Variants in MACROD2 observed in about 807,000 individuals in gnomAD.
MACROD2 encodes the protein ADP-ribose glycohydrolase MACROD2.
In MACROD2, 36 loss-of-function variants were observed where a neutral mutation model predicts 70.4. That is an observed-to-expected ratio of 0.51 (90% CI 0.39 to 0.68). MACROD2 has a LOEUF of 0.68. Ranked by LOEUF, MACROD2 falls within the 30% of genes least tolerant of loss-of-function variation. The pLI, the probability that MACROD2 is intolerant of heterozygous loss-of-function variation, is 0.00. For missense variants in MACROD2, 496 were observed against 538.4 expected (o/e 0.92, Z 0.78); for synonymous variants, 172 against 178.8 (o/e 0.96, Z 0.30).
At chr20:14,009,906 G>C (rs1049818896) in intron 2 of MACROD2, among the ~76,000 whole-genome samples, 11 of 152,198 alleles carry the variant, frequency 7.2e-5, no homozygotes, top group African/African-American at 2.7e-4. Context: ...TCACTTTTAT[G>C]TGGGAGCAGA....
At chr20:15,613,950 C>G (rs1382110032) in intron 8 of MACROD2, among the ~76,000 whole-genome samples, 1 of 152,134 alleles carries the variant, frequency 6.6e-6, no homozygotes, top group Non-Finnish European at 1.5e-5. Flanking sequence ...TTTGACTGCA[C>G]CTTACACCTA....
chr20:15,521,577 T>C (rs2047653568), intron 8 of MACROD2, among the ~76,000 whole-genome samples: 1 of 152,216 alleles, frequency 6.6e-6, no homozygotes, highest in East Asian at 1.9e-4. Context: ...AAACTGCCTT[T>C]GGATCTGGGA....
At chr20:14,289,348 C>G (rs1213421964) in intron 3 of MACROD2, among the ~76,000 whole-genome samples, 1 of 152,184 alleles carries the variant, frequency 6.6e-6, no homozygotes, top group Non-Finnish European at 1.5e-5. Flanking sequence ...TAAAAAATTA[C>G]AAAAGTAACC....
chr20:14,937,623 A>G (rs1041572808), intron 5 of MACROD2, among the ~76,000 whole-genome samples: 1 of 152,094 alleles, frequency 6.6e-6, no homozygotes, highest in Admixed American at 6.5e-5. Flanking sequence ...TAAAGAACAA[A>G]TCAGTGTAAT....
intron 8 of MACROD2, among the ~76,000 whole-genome samples, chr20:15,617,552 A>G (rs1172205757): frequency 6.6e-6 from 1 of 152,252 alleles, no homozygotes; most frequent in African/African-American, 2.4e-5. Context: ...GTGTTTATAC[A>G]GACAGGTGAA....
At chr20:15,666,323 T>C (rs904759130) in intron 8 of MACROD2, among the ~76,000 whole-genome samples, 1 of 152,206 alleles carries the variant, frequency 6.6e-6, no homozygotes, top group African/African-American at 2.4e-5. Context: ...TTAAGTTATC[T>C]CTTCCATCTT....
At chr20:15,323,487 T>C (rs558748440) in intron 6 of MACROD2, among the ~76,000 whole-genome samples, 1 of 152,230 alleles carries the variant, frequency 6.6e-6, no homozygotes, top group Admixed American at 6.5e-5. Flanking sequence ...AAAAACCCCA[T>C]AAGGACTCTC....
chr20:15,502,062 G>T (rs1171416545), intron 8 of MACROD2, among the ~76,000 whole-genome samples: 1 of 151,958 alleles, frequency 6.6e-6, no homozygotes, highest in African/African-American at 2.4e-5. Flanking sequence ...CAAAATCCTT[G>T]CTTTGTCATA....
At chr20:15,652,286 G>A (rs941599140) in intron 8 of MACROD2, among the ~76,000 whole-genome samples, 7 of 152,170 alleles carry the variant, frequency 4.6e-5, no homozygotes, top group Admixed American at 1.3e-4. Context: ...AGAAATGTTA[G>A]TGCTAGTTCT....
At chr20:14,607,534 G>T (rs749026751) in intron 4 of MACROD2, among the ~76,000 whole-genome samples, 5 of 152,126 alleles carry the variant, frequency 3.3e-5, no homozygotes, top group Non-Finnish European at 7.4e-5. Flanking sequence ...TAACGAGGAT[G>T]CAAAGCACCT....
At chr20:16,029,879 A>G (rs2067129644) in intron 15 of MACROD2, among the ~76,000 whole-genome samples, 1 of 152,146 alleles carries the variant, frequency 6.6e-6, no homozygotes, top group African/African-American at 2.4e-5. Flanking sequence ...AATCCCGGGA[A>G]TTTCACAAAA....
intron 8 of MACROD2, among the ~76,000 whole-genome samples, chr20:15,511,672 T>C (rs931923948): frequency 6.6e-6 from 1 of 152,232 alleles, no homozygotes. Flanking sequence ...AAATGTTGCC[T>C]GTTTGTAACC....
intron 5 of MACROD2, among the ~76,000 whole-genome samples, chr20:14,752,175 A>G (rs890879875): frequency 6.6e-6 from 1 of 151,086 alleles, no homozygotes; most frequent in African/African-American, 2.4e-5. Flanking sequence ...TGAAGCAGAG[A>G]TGCTTAAATT....
At chr20:15,503,940 A>T (rs2047395025) in intron 8 of MACROD2, among the ~76,000 whole-genome samples, 1 of 152,206 alleles carries the variant, frequency 6.6e-6, no homozygotes, top group Non-Finnish European at 1.5e-5. Context: ...ATTATTCAAC[A>T]TTCACAAATT....
intron 2 of MACROD2, among the ~76,000 whole-genome samples, chr20:14,035,391 T>C (rs758787332): frequency 6.6e-6 from 1 of 152,214 alleles, no homozygotes; most frequent in Non-Finnish European, 1.5e-5. Context: ...TAATTAGACA[T>C]TAACAAGAAG....
At chr20:16,008,549 G>T (rs1010655411) in intron 15 of MACROD2, among the ~76,000 whole-genome samples, 4 of 152,182 alleles carry the variant, frequency 2.6e-5, no homozygotes, top group Admixed American at 2.6e-4. Flanking sequence ...TTTGCAGACA[G>T]GTTGTTCTCT....
At chr20:14,051,458 T>C (rs1000920000) in intron 2 of MACROD2, among the ~76,000 whole-genome samples, 3 of 152,168 alleles carry the variant, frequency 2.0e-5, no homozygotes, top group African/African-American at 7.2e-5. Context: ...AGAAGTATAT[T>C]TTCACACACT....
intron 8 of MACROD2, among the ~76,000 whole-genome samples, chr20:15,511,711 C>T (rs1349544653): frequency 6.6e-6 from 1 of 152,214 alleles, no homozygotes; most frequent in East Asian, 1.9e-4. Context: ...TGGGCGGCTT[C>T]TTCTGCCCTG....
chr20:14,610,642 C>T (rs1041847792), intron 4 of MACROD2, among the ~76,000 whole-genome samples: 9 of 151,952 alleles, frequency 5.9e-5, no homozygotes, highest in Non-Finnish European at 8.8e-5. Context: ...TTTCTTTTTA[C>T]TATTATCTAT....
Sources: gnomAD v4.1 joint callset for allele counts (sites outside exome capture counted in the v4.1 genomes callset) on GRCh38, gnomAD v4.1.1 for gene constraint, MANE v1.5 for transcripts, NCBI Gene and HGNC (gene_info 2026-07-23, HGNC 2026-07-21) for gene names.